The following CDH11 variants were observed in gnomAD, a reference collection of about 807,000 sequenced individuals.
The protein encoded by CDH11 is cadherin 11.
Under a neutral mutation model 67.8 loss-of-function variants are expected in CDH11, and 11 were observed. The ratio of observed to expected loss-of-function variants is 0.16; its 90% CI spans 0.10 to 0.27. The LOEUF (loss-of-function observed/expected upper bound fraction) is 0.27. Ranked by LOEUF, CDH11 falls within the 10% of genes least tolerant of loss-of-function variation. The probability of loss-of-function intolerance (pLI) is 1.00; values close to 1 mark genes in which losing one functional copy is unlikely to be tolerated. For missense variants in CDH11, 847 were observed against 1,031.2 expected (o/e 0.82, Z 2.45); for synonymous variants, 419 against 400.0 (o/e 1.05, Z -0.57).
At chr16:64,951,126 G>A (rs1394747696) in intron 11 of CDH11, 108 bp from the exon 12 acceptor site, 2 of 1,110,724 alleles carry the variant, frequency 1.8e-6, no homozygotes, top group Non-Finnish European at 2.6e-6. Context: ...AAGGTTAACC[G>A]CCAGAATCGT....
At chr16:65,083,386 C>T (rs1248297073) in intron 1 of CDH11, among the ~76,000 whole-genome samples, 1 of 152,228 alleles carries the variant, frequency 6.6e-6, no homozygotes, top group African/African-American at 2.4e-5. Context: ...GGCATTGAGC[C>T]AGGACAGCAT....
At chr16:64,989,773 AC>A (rs1331834816) in intron 6 of CDH11, among the ~76,000 whole-genome samples, 1 of 152,092 alleles carries the variant, frequency 6.6e-6, no homozygotes, top group Admixed American at 6.6e-5. Context: ...CACATTTAAT[AC>A]TCTGTGCAAC....
chr16:64,979,436 A>G (rs377341295), intron 8 of CDH11, among the ~76,000 whole-genome samples: 148 of 151,910 alleles, frequency 9.7e-4, no homozygotes, highest in African/African-American at 3.2e-3. Context: ...GACAGAGTGA[A>G]ACTATGTCTC....
At chr16:65,093,095 C>T (rs962352947) in intron 1 of CDH11, among the ~76,000 whole-genome samples, 10 of 151,770 alleles carry the variant, frequency 6.6e-5, no homozygotes, top group Non-Finnish European at 1.0e-4. Flanking sequence ...TGCCACCACA[C>T]TCAGCTAATT....
chr16:64,956,263 T>C (rs1248781415), intron 11 of CDH11, among the ~76,000 whole-genome samples: 4 of 152,246 alleles, frequency 2.6e-5, no homozygotes, highest in Non-Finnish European at 4.4e-5. Flanking sequence ...TTAGGTTAAA[T>C]TTGATTCCAT....
chr16:64,996,171 T>C (rs978268452), intron 4 of CDH11, among the ~76,000 whole-genome samples: 1 of 151,974 alleles, frequency 6.6e-6, no homozygotes, highest in Non-Finnish European at 1.5e-5. Context: ...GAAAAGCAAT[T>C]TGGAGAAGTC....
chr16:65,075,173 G>GA (rs919622020), intron 1 of CDH11, among the ~76,000 whole-genome samples: 2 of 152,176 alleles, frequency 1.3e-5, no homozygotes, highest in African/African-American at 4.8e-5. Context: ...CTTGGATAGG[G>GA]AAAAATGGGG....
At chr16:65,012,193 C>T (rs902436438) in intron 2 of CDH11, among the ~76,000 whole-genome samples, 3 of 152,208 alleles carry the variant, frequency 2.0e-5, no homozygotes, top group East Asian at 1.9e-4. Flanking sequence ...AGTATCGGTC[C>T]TGTATTTCAA....
At chr16:64,948,653 G>C (rs1044047590) in intron 12 of CDH11, 1 of 1,611,790 alleles carries the variant, frequency 6.2e-7, no homozygotes, top group African/African-American at 1.3e-5. Context: ...TAGAGGAAAG[G>C]AAGTTTTATA....
chr16:65,062,612 C>T (rs537554090), intron 1 of CDH11, among the ~76,000 whole-genome samples: 6 of 152,252 alleles, frequency 3.9e-5, no homozygotes, highest in African/African-American at 7.2e-5. Context: ...GAAAAAAATG[C>T]CATTTTGTTA....
chr16:65,123,369 C>A (rs1597223539), upstream of CDH11, among the ~76,000 whole-genome samples: 1 of 151,716 alleles, frequency 6.6e-6, no homozygotes, highest in African/African-American at 2.4e-5. Flanking sequence ...GCGAAAAAGA[C>A]GGGGAAGGAG....
intron 2 of CDH11, among the ~76,000 whole-genome samples, chr16:65,033,700 G>A (rs1426162933): frequency 6.6e-6 from 1 of 150,628 alleles, no homozygotes; most frequent in Non-Finnish European, 1.5e-5. Context: ...TCATGCCACA[G>A]CACTCCAGCC....
intron 11 of CDH11, among the ~76,000 whole-genome samples, chr16:64,967,218 G>GTTTT (rs1373907529): frequency 6.6e-6 from 1 of 152,022 alleles, no homozygotes; most frequent in Non-Finnish European, 1.5e-5. Flanking sequence ...CACTCTAGGA[G>GTTTT]TTTTGTTTGT....
intron 1 of CDH11, among the ~76,000 whole-genome samples, chr16:65,062,446 A>G (rs1182976493): frequency 6.6e-6 from 1 of 152,176 alleles, no homozygotes; most frequent in Non-Finnish European, 1.5e-5. Flanking sequence ...ATCTTTCCAT[A>G]GTAAGAAAAG....
At chr16:65,025,849 C>G (rs186454863) in intron 2 of CDH11, among the ~76,000 whole-genome samples, 2 of 152,112 alleles carry the variant, frequency 1.3e-5, no homozygotes, top group Non-Finnish European at 2.9e-5. Flanking sequence ...GTAGTGTTGA[C>G]CTGTGAGTAT....
intron 11 of CDH11, among the ~76,000 whole-genome samples, chr16:64,953,818 T>C (rs1348608578): frequency 6.6e-6 from 1 of 152,214 alleles, no homozygotes; most frequent in African/African-American, 2.4e-5. Flanking sequence ...AAAATGAATG[T>C]TAAAAATTTA....
Position 64,988,302 on chromosome 16 carries a change from T to C in CDH11, c.854A>G (p.Glu285Gly), listed in dbSNP as rs1383986882. ...TTTAGCTTTCACTCTTCCTACTTCC[T>C]CCCCAGGGACGGCTGCTTCTGACAC... ...MSVSEAAVPG[E>G]EVGRVKAKDP... Residue 285 changes from glutamate (E) to glycine (G), a missense_variant, in exon 7 of 13, where the codon GAG (glutamate) becomes GGG (glycine). Glu to Gly is a moderately conservative substitution (Grantham distance 98, BLOSUM62 -2). This residue lies in a region of CDH11 where 612 missense variants were observed against 678.7 expected (regional missense o/e 0.90). Transcript: ENST00000268603. 1.2e-6 allele frequency: 2 copies of C among 1,613,478 alleles called. No homozygotes were observed. Among genetic ancestry groups the C allele is most frequent in the Non-Finnish European group, 1.7e-6 (2 of 1,179,648 alleles).
chr16:65,112,063 CTG>C (rs1167100067), intron 1 of CDH11, among the ~76,000 whole-genome samples: 4 of 113,208 alleles, frequency 3.5e-5, no homozygotes, highest in African/African-American at 1.4e-4. Flanking sequence ...GAGGGAGACT[CTG>C]TCTCAAAAAA....
At chr16:65,105,174 A>G (rs553227383) in intron 1 of CDH11, among the ~76,000 whole-genome samples, 1 of 152,200 alleles carries the variant, frequency 6.6e-6, no homozygotes, top group South Asian at 2.1e-4. Context: ...AACTATCTAT[A>G]TGAAGGCTGG....
Sources: gnomAD v4.1 joint callset for allele counts (sites outside exome capture counted in the v4.1 genomes callset) on GRCh38, gnomAD v4.1.1 for gene constraint, gnomAD v4.1.1 regional missense constraint, MANE v1.5 for transcripts, NCBI Gene and HGNC (gene_info 2026-07-23, HGNC 2026-07-21) for gene names.